Variants in PHLPP2 observed in about 807,000 individuals in gnomAD.
PHLPP2 encodes the protein PH domain leucine-rich repeat-containing protein phosphatase 2.
PHLPP2 carries 66 observed loss-of-function variants against 124.9 expected under a neutral mutation model. The ratio of observed to expected loss-of-function variants is 0.53; its 90% CI spans 0.43 to 0.65. The LOEUF is 0.65. Ranked by LOEUF, PHLPP2 falls within the 30% of genes least tolerant of loss-of-function variation. The pLI is 0.00. For synonymous variants in PHLPP2, 681 were observed against 624.7 expected, an observed-to-expected ratio of 1.09 and a Z score of -1.34; for missense variants, 1,685 against 1,600.4, an observed-to-expected ratio of 1.05 and a Z score of -0.90.
Position 71,649,254 on chromosome 16 carries a change from A to T in PHLPP2, c.3608T>A (p.Phe1203Tyr). The change falls in exon 19 of 19, where the codon TTT (phenylalanine) becomes TAT (tyrosine). Residue 1203 changes from phenylalanine (F) to tyrosine (Y), a missense_variant. By Grantham distance (22) the Phe-to-Tyr change is conservative (BLOSUM62 3). Coordinates refer to ENST00000568954, the MANE Select transcript of PHLPP2 (RefSeq NM_015020.3). ...CACACTGTTCTGTCTTCGGATCCCA[A>T]AACACGACCCTCTAGCATGTTCCTC... ...CSEEHARGSC[F>Y]GIRRQNSVNS... 1 of 1,613,916 alleles carries T rather than the reference A, an allele frequency of 6.2e-7. No individual in the cohort carries two copies. Among genetic ancestry groups the T allele is most frequent in the Non-Finnish European group, 8.5e-7 (1 of 1,179,936 alleles).
At chr16:71,720,589 G>A (rs1211968721) in intron 1 of PHLPP2, among the ~76,000 whole-genome samples, 1 of 152,198 alleles carries the variant, frequency 6.6e-6, no homozygotes, top group Non-Finnish European at 1.5e-5. Flanking sequence ...ATACGGCCGG[G>A]TGCGGTGGCT....
chr16:71,663,754 A>G (rs887899823), intron 13 of PHLPP2, 145 bp downstream of exon 13: 2 of 669,192 alleles, frequency 3.0e-6, no homozygotes, highest in Non-Finnish European at 5.3e-6. Context: ...TTAAGATGAG[A>G]TTTTGCCACT....
rs1304762270 is a variant in PHLPP2, at chr16:71,645,636, A to G, written c.*3254T>C. 6.5e-6 allele frequency: 1 copy of G among 153,144 alleles called. No homozygotes were observed. The highest frequency in any genetic ancestry group is 1.5e-5 in the Non-Finnish European group (1 of 68,036). 9.5% of individuals were successfully genotyped at this position (153,144 alleles called of 1,614,324 possible). On this transcript the variant is annotated 3_prime_UTR_variant, in exon 19 of 19. Transcript: ENST00000568954. ...ATATTCAGTAGATCTGCCACACCCA[A>G]CTGGCTCCATCTCCTGGAAAACAGC...
At chr16:71,703,220 TA>T (rs1169772126) in intron 2 of PHLPP2, among the ~76,000 whole-genome samples, 1 of 152,232 alleles carries the variant, frequency 6.6e-6, no homozygotes, top group Non-Finnish European at 1.5e-5. Flanking sequence ...ACAACTAATC[TA>T]AACAAGTGTT....
Position 71,655,339 on chromosome 16 carries a change from C to T in PHLPP2, c.2486G>A (p.Arg829His), listed in dbSNP as rs753079089. 32 of 1,613,604 alleles carry T rather than the reference C, an allele frequency of 2.0e-5. No individual in the cohort carries two copies. Among genetic ancestry groups the T allele is most frequent in the Admixed American group, 6.7e-5 (4 of 60,000 alleles). The change falls in exon 17 of 19, where the codon CGC becomes CAC. Residue 829 changes from arginine to histidine, a missense_variant. By Grantham distance (29) the Arg-to-His change is conservative. Transcript: ENST00000568954. Reference protein sequence around the residue: ...FDGDRNEELPRLLQCTMADVL... With the variant: ...FDGDRNEELPHLLQCTMADVL... ...ATCTGCCATCGTACACTGCAGCAGG[C>T]GCGGGAGCTCCTCATTTCGGTCTCC...
intron 14 of PHLPP2, 83 bp from the exon 15 acceptor site, chr16:71,658,446 T>C: frequency 7.5e-7 from 1 of 1,332,730 alleles, no homozygotes; most frequent in Non-Finnish European, 1.0e-6. Context: ...TCTTACTATA[T>C]CCCCAAAGAG....
intron 11 of PHLPP2, 36 bp downstream of exon 11, chr16:71,669,239 A>G: frequency 7.3e-7 from 1 of 1,371,512 alleles, no homozygotes; most frequent in East Asian, 2.3e-5. Flanking sequence ...CGTAAATGTT[A>G]GTATATACAT....
At chr16:71,661,786 A>C (rs2044793011) in intron 13 of PHLPP2, among the ~76,000 whole-genome samples, 1 of 151,758 alleles carries the variant, frequency 6.6e-6, no homozygotes. Flanking sequence ...ACCAGCCTGG[A>C]CAACACAGCG....
At chr16:71,664,688 G>T (rs1279283708) in intron 12 of PHLPP2, among the ~76,000 whole-genome samples, 1 of 152,166 alleles carries the variant, frequency 6.6e-6, no homozygotes, top group Admixed American at 6.5e-5. Flanking sequence ...GGAGGCTGAG[G>T]TTGCAGTGAG....
chr16:71,683,720 C>G (rs2045025433), intron 5 of PHLPP2, among the ~76,000 whole-genome samples: 1 of 152,144 alleles, frequency 6.6e-6, no homozygotes, highest in African/African-American at 2.4e-5. Context: ...ATTATATACT[C>G]AGAAAAGGCC....
At position 71,679,502 on chromosome 16, in the gene PHLPP2, A is replaced by G; in HGVS notation, c.924T>C (p.His308=). 1 of 1,614,124 alleles carries G rather than the reference A, an allele frequency of 6.2e-7. No homozygotes were observed. Residue 308 remains histidine, a synonymous_variant, in exon 7 of 19, where the codon CAT becomes CAC. Transcript: ENST00000568954. ...FSQLKGLNLS[H]NKLGLFPILL... ...ATATAGGAAACAACCCAAGTTTATT[A>G]TGGGACAAGTTCAGGCCCTTCAGTT...
At chr16:71,679,864 C>T (rs183790073) in intron 6 of PHLPP2, among the ~76,000 whole-genome samples, 88 of 152,190 alleles carry the variant, frequency 5.8e-4, no homozygotes, top group Non-Finnish European at 1.1e-3. Context: ...AGGTGGATCA[C>T]GAGGTTAGGA....
chr16:71,720,596 G>C (rs1056271996), intron 1 of PHLPP2, among the ~76,000 whole-genome samples: 2 of 152,144 alleles, frequency 1.3e-5, no homozygotes, highest in Non-Finnish European at 2.9e-5. Flanking sequence ...CGGGTGCGGT[G>C]GCTCATGCCT....
At chr16:71,713,889 C>A (rs930599661) in intron 2 of PHLPP2, among the ~76,000 whole-genome samples, 1 of 150,432 alleles carries the variant, frequency 6.6e-6, no homozygotes, top group Admixed American at 6.6e-5. Flanking sequence ...TCACTCTATA[C>A]CCTTTTTAAA....
chr16:71,701,913 A>C (rs1437338123), intron 3 of PHLPP2, among the ~76,000 whole-genome samples: 1 of 152,198 alleles, frequency 6.6e-6, no homozygotes, highest in Non-Finnish European at 1.5e-5. Context: ...ATGTGTATAC[A>C]GGAAAACACA....
intron 17 of PHLPP2, chr16:71,654,958 C>T (rs1243565160): frequency 3.3e-6 from 1 of 306,884 alleles, no homozygotes; most frequent in African/African-American, 2.1e-5. Context: ...AAATGTACAA[C>T]CACATATATA....
At chr16:71,665,030 C>A (rs1439715697) in intron 12 of PHLPP2, among the ~76,000 whole-genome samples, 2 of 152,142 alleles carry the variant, frequency 1.3e-5, no homozygotes, top group African/African-American at 4.8e-5. Context: ...ATACTTCCGG[C>A]TGGGCGAGGT....
intron 3 of PHLPP2, among the ~76,000 whole-genome samples, chr16:71,697,621 G>C (rs190791523): frequency 6.6e-6 from 1 of 152,126 alleles, no homozygotes; most frequent in Non-Finnish European, 1.5e-5. Context: ...TCTGATGTTT[G>C]TATTTATGCT....
rs1416426423 is a variant in PHLPP2 at position 71,684,602 on chromosome 16, C to T, written c.610-1G>A. The stretch of plus-strand genomic sequence containing the variant: ...ATTGCCGTCGCTTCACTTCTTCTAT[C>T]TGAAGAAGAGGAGGGGAGAAAACCA... On this transcript the variant is annotated splice_acceptor_variant, in intron 4 of 18. Transcript: ENST00000568954. LOFTEE classifies it high-confidence loss of function. The T allele has an allele frequency of 6.2e-7, 1 of 1,606,762 alleles. No homozygotes were observed. Among genetic ancestry groups the T allele is most frequent in the Non-Finnish European group, 8.5e-7 (1 of 1,175,252 alleles).
Sources: gnomAD v4.1 joint callset for allele counts (sites outside exome capture counted in the v4.1 genomes callset) on GRCh38, gnomAD v4.1.1 for gene constraint, MANE v1.5 for transcripts, NCBI Gene and HGNC (gene_info 2026-07-23, HGNC 2026-07-21) for gene names.